The following COA1 variants were observed in gnomAD, a reference collection of about 807,000 sequenced individuals.
COA1 encodes the protein cytochrome c oxidase assembly factor 1.
In COA1, 13 loss-of-function variants were observed where a neutral mutation model predicts 16.0. The observed-to-expected ratio is 0.81, with a 90% CI of 0.53 to 1.29. The LOEUF (loss-of-function observed/expected upper bound fraction) is 1.29, where lower values mean the gene tolerates loss of function less well. Ranked by LOEUF, COA1 falls within the 50% of genes most tolerant of loss-of-function variation. COA1 has a pLI of 0.00. For missense variants in COA1, 179 were observed against 177.0 expected, an observed-to-expected ratio of 1.01 and a Z score of -0.06; for synonymous variants, 65 against 65.7, an observed-to-expected ratio of 0.99 and a Z score of 0.05.
chr7:43,712,383 G>A (rs2131807300), intron 1 of COA1, among the ~76,000 whole-genome samples: 1 of 152,250 alleles, frequency 6.6e-6, no homozygotes, highest in South Asian at 2.1e-4. Context: ...AAAGTGCTGG[G>A]ATTACAGGTG....
intron 1 of COA1, among the ~76,000 whole-genome samples, chr7:43,671,766 G>A (rs533477508): frequency 2.6e-5 from 4 of 152,216 alleles, no homozygotes; most frequent in African/African-American, 9.6e-5. Context: ...CAGATCACAG[G>A]GCAGTTTCCC....
At chr7:43,665,922 G>A (rs10228645) in intron 1 of COA1, among the ~76,000 whole-genome samples, 22,767 of 152,098 alleles carry the variant, frequency 0.15, 2,212 homozygotes, top group Non-Finnish European at 0.21. Context: ...GAGCCAAATC[G>A]TATCACAGAC....
intron 6 of COA1, chr7:43,624,424 T>G: frequency 7.9e-7 from 1 of 1,273,252 alleles, no homozygotes; most frequent in African/African-American, 1.5e-5. Flanking sequence ...CTTGTCAGAC[T>G]TCCCAAAATA....
chr7:43,650,056 A>G (rs1445289192), intron 1 of COA1: 2 of 152,500 alleles, frequency 1.3e-5, no homozygotes, highest in Non-Finnish European at 2.9e-5. Context: ...TGAAGTGTAA[A>G]GCGCAGGAGA....
chr7:43,716,675 T>C (rs922292825), intron 1 of COA1, among the ~76,000 whole-genome samples: 1 of 152,180 alleles, frequency 6.6e-6, no homozygotes, highest in Non-Finnish European at 1.5e-5. Flanking sequence ...TTTGCAAAAG[T>C]AGCAGGGAGC....
chr7:43,678,229 A>C (rs1450688653), intron 1 of COA1, among the ~76,000 whole-genome samples: 1 of 152,248 alleles, frequency 6.6e-6, no homozygotes, highest in African/African-American at 2.4e-5. Flanking sequence ...ACCAAGTAAA[A>C]ACTAAAAAGA....
At position 43,647,449 on chromosome 7, in the gene COA1, C is replaced by T. The variant is rs750897422; in HGVS notation, c.115+86G>A. The T allele has an allele frequency of 4.7e-5, 45 of 954,108 alleles. No individual in the cohort carries two copies. The South Asian group carries it at 5.7e-4, about 12-fold the overall frequency. 59.1% of individuals were successfully genotyped at this position (954,108 alleles called of 1,614,324 possible). A position where few individuals can be genotyped will look rare whatever the true frequency, so the allele number is the denominator to read the frequency against. On this transcript the variant is annotated intron_variant, in intron 3 of 5. Coordinates refer to ENST00000223336, the MANE Select transcript of COA1 (RefSeq NM_018224.4). ...CCTCTCCTCCTTTCTCTAATCTAAA[C>T]AAAGCATCTCAAGTATTTCCTCTGA...
intron 1 of COA1, among the ~76,000 whole-genome samples, chr7:43,695,622 A>G (rs1188154118): frequency 6.6e-6 from 1 of 152,086 alleles, no homozygotes; most frequent in Non-Finnish European, 1.5e-5. Flanking sequence ...TAGTGCTTAC[A>G]CTCATTAATA....
intron 4 of COA1, chr7:43,641,218 C>A (rs1180974318): frequency 2.0e-5 from 3 of 150,364 alleles, no homozygotes; most frequent in Non-Finnish European, 4.4e-5. Flanking sequence ...CAATCTACAT[C>A]TAGATAACGG....
chr7:43,655,764 GTAT>G (rs2091619895), intron 1 of COA1, among the ~76,000 whole-genome samples: 1 of 152,192 alleles, frequency 6.6e-6, no homozygotes, highest in Non-Finnish European at 1.5e-5. Flanking sequence ...CCAACTGGCT[GTAT>G]GACTCGCTTC....
intron 6 of COA1, among the ~76,000 whole-genome samples, chr7:43,611,995 A>G (rs901327734): frequency 6.6e-6 from 1 of 152,212 alleles, no homozygotes; most frequent in African/African-American, 2.4e-5. Context: ...GGTGAATATT[A>G]AGTTCTTGAA....
chr7:43,614,582 T>C (rs2083178161), intron 6 of COA1, among the ~76,000 whole-genome samples: 1 of 152,226 alleles, frequency 6.6e-6, no homozygotes, highest in Non-Finnish European at 1.5e-5. Flanking sequence ...GCAAAGTCTA[T>C]TTTTAAAAAT....
intron 1 of COA1, among the ~76,000 whole-genome samples, chr7:43,719,263 T>G (rs932148716): frequency 3.3e-5 from 5 of 152,104 alleles, no homozygotes; most frequent in African/African-American, 9.7e-5. Flanking sequence ...CCACCACACC[T>G]GGCCAAGAAG....
chr7:43,724,884 C>T (rs765829007), intron 1 of COA1, among the ~76,000 whole-genome samples: 8 of 152,134 alleles, frequency 5.3e-5, no homozygotes, highest in Non-Finnish European at 7.3e-5. Context: ...TGGTAGTTGC[C>T]AGGGACTGGA....
At chr7:43,699,322 T>C (rs3807517) in intron 1 of COA1, among the ~76,000 whole-genome samples, 20,555 of 152,246 alleles carry the variant, frequency 0.14, 1,456 homozygotes, top group East Asian at 0.19. Context: ...TGCATCTTTC[T>C]GGCTGTAACC....
intron 1 of COA1, among the ~76,000 whole-genome samples, chr7:43,664,741 T>C (rs1355641273): frequency 6.6e-6 from 1 of 152,172 alleles, no homozygotes; most frequent in East Asian, 1.9e-4. Context: ...TGTGAGATAC[T>C]GTCTCTAAAA....
At chr7:43,651,571 G>C (rs181077435) in intron 1 of COA1, among the ~76,000 whole-genome samples, 2 of 151,804 alleles carry the variant, frequency 1.3e-5, no homozygotes, top group African/African-American at 4.8e-5. Flanking sequence ...ATCACCAGGC[G>C]GATCAACAGA....
chr7:43,633,049 A>G (rs951640345), intron 6 of COA1: 2 of 152,326 alleles, frequency 1.3e-5, no homozygotes, highest in Non-Finnish European at 2.9e-5. Context: ...AGCCCCTGAC[A>G]AGAGTCAGCT....
At chr7:43,675,626 T>G (rs2093480989) in intron 1 of COA1, among the ~76,000 whole-genome samples, 1 of 152,112 alleles carries the variant, frequency 6.6e-6, no homozygotes, top group African/African-American at 2.4e-5. Context: ...AAAGAGTAAG[T>G]GTAAATCCAC....
Sources: allele counts gnomAD v4.1 joint callset (sites outside exome capture counted in the v4.1 genomes callset), GRCh38; gene constraint gnomAD v4.1.1; transcripts MANE v1.5; gene names NCBI Gene and HGNC (gene_info 2026-07-23, HGNC 2026-07-21).